CCBE1: variants seen among roughly 807,000 people sequenced by gnomAD.
CCBE1 encodes the protein collagen and calcium-binding EGF domain-containing protein 1.
In CCBE1, 37 loss-of-function variants were observed where a neutral mutation model predicts 50.0. The observed-to-expected ratio is 0.74, with a 90% CI of 0.57 to 0.97. CCBE1 has a LOEUF of 0.97. CCBE1 is among the 50% of genes least tolerant of loss of function. The pLI, the probability that CCBE1 is intolerant of heterozygous loss-of-function variation, is 0.00. For synonymous variants in CCBE1, 234 were observed against 203.7 expected (o/e 1.15, Z -1.27); for missense variants, 538 against 523.8 (o/e 1.03, Z -0.26).
intron 2 of CCBE1, among the ~76,000 whole-genome samples, chr18:59,617,369 T>C (rs1388594860): frequency 2.0e-5 from 3 of 152,232 alleles, no homozygotes; most frequent in Non-Finnish European, 4.4e-5. Flanking sequence ...TAAAACTACC[T>C]TTGGAGATGT....
chr18:59,594,750 C>G (rs73454487), intron 2 of CCBE1, among the ~76,000 whole-genome samples: 2,804 of 152,158 alleles, frequency 0.018, 64 homozygotes, highest in African/African-American at 0.062. Flanking sequence ...AGTCTGCACC[C>G]TATGAGTAGG....
At chr18:59,459,734 T>C (rs931462534) in intron 5 of CCBE1, among the ~76,000 whole-genome samples, 2 of 152,232 alleles carry the variant, frequency 1.3e-5, no homozygotes, top group African/African-American at 4.8e-5. Flanking sequence ...TGCAGATTTG[T>C]GTTCTGGCTG....
At chr18:59,469,651 C>T (rs182172027) in intron 3 of CCBE1, 44 bp from the exon 4 acceptor site, 16 of 1,612,566 alleles carry the variant, frequency 9.9e-6, no homozygotes, top group Middle Eastern at 1.8e-4. Context: ...CAGGAGGAGG[C>T]GGAGTAACCT....
chr18:59,551,232 C>T (rs2564492), intron 2 of CCBE1, among the ~76,000 whole-genome samples: 99,553 of 151,200 alleles, frequency 0.66, 32,897 homozygotes, highest in East Asian at 0.79. Flanking sequence ...CTGTACAACA[C>T]GTGATAATAA....
rs1237987360 is a variant in CCBE1, at chr18:59,432,830, T to TCAC, written c.*3075_*3077dup. On this transcript the variant is annotated 3_prime_UTR_variant, in exon 11 of 11. Transcript: ENST00000439986. ...AGTTTGGTTGCATTTTATGAGCATT[T>TCAC]CACAATAAAGATCATATTTCTAAAT... The TCAC allele has an allele frequency of 6.6e-6, 1 of 152,188 alleles. No individual in the cohort carries two copies. Among genetic ancestry groups the TCAC allele is most frequent in the Non-Finnish European group, 1.5e-5 (1 of 68,030 alleles). 9.4% of individuals were successfully genotyped at this position (152,188 alleles called of 1,614,324 possible).
chr18:59,672,589 G>C (rs1340597358), intron 2 of CCBE1, among the ~76,000 whole-genome samples: 1 of 152,188 alleles, frequency 6.6e-6, no homozygotes, highest in African/African-American at 2.4e-5. Context: ...AGACACAAGA[G>C]TGAGGCCCTC....
intron 2 of CCBE1, among the ~76,000 whole-genome samples, chr18:59,668,165 A>G (rs1006883360): frequency 6.6e-6 from 1 of 152,142 alleles, no homozygotes; most frequent in African/African-American, 2.4e-5. Flanking sequence ...CATGTCTGTA[A>G]TCCCAACACT....
intron 2 of CCBE1, among the ~76,000 whole-genome samples, chr18:59,483,237 G>A (rs1445339010): frequency 7.8e-6 from 1 of 128,716 alleles, no homozygotes; most frequent in Non-Finnish European, 1.6e-5. Context: ...TTATTAAAAT[G>A]TGATGAAAAA....
intron 2 of CCBE1, among the ~76,000 whole-genome samples, chr18:59,626,040 A>C (rs1340832173): frequency 1.3e-5 from 2 of 152,230 alleles, no homozygotes; most frequent in African/African-American, 2.4e-5. Context: ...GAATAGACTA[A>C]GACAGTAACA....
intron 2 of CCBE1, among the ~76,000 whole-genome samples, chr18:59,499,065 T>G (rs1308583486): frequency 6.6e-6 from 1 of 152,216 alleles, no homozygotes; most frequent in Non-Finnish European, 1.5e-5. Flanking sequence ...TTCAGTGTCA[T>G]TTACTCATAC....
At chr18:59,470,174 A>G (rs1011344594) in intron 3 of CCBE1, among the ~76,000 whole-genome samples, 1 of 152,200 alleles carries the variant, frequency 6.6e-6, no homozygotes, top group Non-Finnish European at 1.5e-5. Context: ...ACAGTTCCAC[A>G]TAGCTGGGGA....
In CCBE1 at chr18:59,469,020, A is replaced by G. The variant is rs1911894007; in HGVS notation, c.400+453T>C. Among the ~76,000 whole-genome samples the G allele has an allele frequency of 2.0e-5, 3 of 152,238 alleles. No homozygotes were observed. In the South Asian group the frequency reaches 6.2e-4, roughly 32 times the overall value. On this transcript the variant is annotated intron_variant, in intron 4 of 10. Coordinates refer to ENST00000439986, the MANE Select transcript of CCBE1 (RefSeq NM_133459.4). ...GGCAGTAAACAGGCTGGTGCCGTGG[A>G]TGGTGCAGGCTCTGCTCAGCTGCAG...
intron 9 of CCBE1, among the ~76,000 whole-genome samples, chr18:59,439,309 C>T (rs1480157567): frequency 6.7e-6 from 1 of 149,670 alleles, no homozygotes; most frequent in African/African-American, 2.5e-5. Context: ...AAAGAAAAAT[C>T]CAAAAATTAG....
At chr18:59,496,332 C>T (rs116321205) in intron 2 of CCBE1, among the ~76,000 whole-genome samples, 1,831 of 152,292 alleles carry the variant, frequency 0.012, 35 homozygotes, top group African/African-American at 0.041. Flanking sequence ...ATCACACATG[C>T]TCAACATGTT....
At chr18:59,473,977 A>C (rs1432055859) in intron 3 of CCBE1, among the ~76,000 whole-genome samples, 1 of 152,084 alleles carries the variant, frequency 6.6e-6, no homozygotes, top group African/African-American at 2.4e-5. Flanking sequence ...ATAAGTGAGA[A>C]CATGTGGTAC....
In CCBE1 at chr18:59,577,698, G is replaced by A. The variant is rs540464478; in HGVS notation, c.213-97460C>T. Among the ~76,000 whole-genome samples, 9 of 152,274 alleles carry A rather than the reference G, an allele frequency of 5.9e-5. No individual in the cohort carries two copies. The East Asian group carries it at 1.7e-3, about 29-fold the overall frequency. On this transcript the variant is annotated intron_variant, in intron 2 of 10. Coordinates refer to ENST00000439986, the MANE Select transcript of CCBE1 (RefSeq NM_133459.4). ...GTTCAACAAACGAGGTAGTTGTAGT[G>A]TTACTGTATGAAATTTTGAACAGAT...
chr18:59,522,126 C>CT (rs756293644), intron 2 of CCBE1, among the ~76,000 whole-genome samples: 2,232 of 73,558 alleles, frequency 0.03, 40 homozygotes, highest in African/African-American at 0.08. Context: ...CTTAACTTTT[C>CT]TTTTTTTTTT....
At position 59,503,466 on chromosome 18, in the gene CCBE1, G is replaced by A. The variant is rs140324167; in HGVS notation, c.213-23228C>T. Among the ~76,000 whole-genome samples the A allele has an allele frequency of 1.2e-3, 179 of 152,276 alleles. 1 individual carries two copies. In the Middle Eastern group the frequency reaches 0.017, roughly 14 times the overall value. On this transcript the variant is annotated intron_variant, in intron 2 of 10. Transcript: ENST00000439986. ...AGGGTTGAAATTGGAGGCCAGATCT[G>A]CCTTACTCCAAGCCTGGGTTCCTAA...
intron 2 of CCBE1, among the ~76,000 whole-genome samples, chr18:59,612,292 A>AT (rs1329104617): frequency 7.3e-6 from 1 of 136,634 alleles, no homozygotes; most frequent in African/African-American, 2.9e-5. Context: ...TTAAAGTATA[A>AT]TAAAAAAAAA....
Sources: allele counts gnomAD v4.1 joint callset (sites outside exome capture counted in the v4.1 genomes callset), GRCh38; gene constraint gnomAD v4.1.1; transcripts MANE v1.5; gene names NCBI Gene and HGNC (gene_info 2026-07-23, HGNC 2026-07-21).